CADM2: variants seen among roughly 807,000 people sequenced by gnomAD.
CADM2 encodes the protein immunoglobulin superfamily member 4D.
In CADM2, 12 loss-of-function variants were observed where a neutral mutation model predicts 49.8. The observed-to-expected ratio is 0.24, with a 90% CI of 0.15 to 0.39. The LOEUF (loss-of-function observed/expected upper bound fraction) is 0.39, where lower values mean the gene tolerates loss of function less well. Ranked by LOEUF, CADM2 falls within the 10% of genes least tolerant of loss-of-function variation. The pLI is 1.00. For synonymous variants in CADM2, 214 were observed against 175.4 expected (o/e 1.22, Z -1.74); for missense variants, 378 against 492.3 (o/e 0.77, Z 2.20).
intron 1 of CADM2, among the ~76,000 whole-genome samples, chr3:85,103,899 TGAG>T (rs2107550616): frequency 6.6e-6 from 1 of 152,268 alleles, no homozygotes; most frequent in Non-Finnish European, 1.5e-5. Flanking sequence ...GGATTATTTT[TGAG>T]GAGAAGTAGG....
chr3:85,206,972 C>CA, intron 1 of CADM2, among the ~76,000 whole-genome samples: 1 of 151,894 alleles, frequency 6.6e-6, no homozygotes, highest in East Asian at 1.9e-4. Flanking sequence ...TAACCTCCCC[C>CA]CCTTCAAAAA....
chr3:85,985,036 A>G (rs962588045), intron 8 of CADM2, among the ~76,000 whole-genome samples: 3 of 152,018 alleles, frequency 2.0e-5, no homozygotes, highest in Non-Finnish European at 4.4e-5. Flanking sequence ...CAACATTTTA[A>G]GATGTGTACT....
At position 84,959,418 on chromosome 3, in the gene CADM2, C is replaced by T; in HGVS notation, c.-190C>T. On this transcript the variant is annotated 5_prime_UTR_variant, in exon 1 of 10. Coordinates refer to ENST00000383699, the MANE Select transcript of CADM2 (RefSeq NM_001167675.2). ...AACTATTTCGCGATACCCCATTCTG[C>T]GGGTGCTTTGCCGCTGCCGCTTCTG... 1 of 590,122 alleles carries T rather than the reference C, an allele frequency of 1.7e-6. No individual in the cohort carries two copies. Among genetic ancestry groups the T allele is most frequent in the Non-Finnish European group, 3.0e-6 (1 of 331,392 alleles). The allele number at this position is 590,122 out of a possible 1,614,324, so 36.6% of individuals were successfully genotyped here.
intron 6 of CADM2, among the ~76,000 whole-genome samples, chr3:85,925,241 C>T (rs1449876200): frequency 6.6e-6 from 1 of 152,074 alleles, no homozygotes; most frequent in African/African-American, 2.4e-5. Flanking sequence ...TATAATTTAT[C>T]TAATTTATTA....
intron 1 of CADM2, among the ~76,000 whole-genome samples, chr3:85,498,477 C>T (rs1005723008): frequency 2.0e-5 from 3 of 152,146 alleles, no homozygotes; most frequent in Admixed American, 6.5e-5. Flanking sequence ...GATGAAACTA[C>T]GGTAAAGGTA....
At chr3:85,581,333 C>A (rs762603357) in intron 1 of CADM2, among the ~76,000 whole-genome samples, 2 of 151,316 alleles carry the variant, frequency 1.3e-5, no homozygotes, top group African/African-American at 2.4e-5. Flanking sequence ...GACATTGAGA[C>A]CTACGGGAAT....
chr3:85,528,082 C>G (rs1318047025), intron 1 of CADM2, among the ~76,000 whole-genome samples: 3 of 152,158 alleles, frequency 2.0e-5, no homozygotes, highest in Admixed American at 6.5e-5. Flanking sequence ...CTCGCAAGCA[C>G]AGAAATCACC....
At chr3:84,997,906 A>G (rs992306725) in intron 1 of CADM2, among the ~76,000 whole-genome samples, 1 of 152,136 alleles carries the variant, frequency 6.6e-6, no homozygotes, top group Non-Finnish European at 1.5e-5. Flanking sequence ...TATTCTAAAA[A>G]TCATTTCCTT....
intron 5 of CADM2, among the ~76,000 whole-genome samples, chr3:85,890,344 T>A (rs1714257527): frequency 6.6e-6 from 1 of 152,140 alleles, no homozygotes; most frequent in South Asian, 2.1e-4. Flanking sequence ...ACTCAGTCAA[T>A]CTACATTTTA....
At chr3:86,028,696 G>T (rs1231522765) in intron 8 of CADM2, among the ~76,000 whole-genome samples, 1 of 152,214 alleles carries the variant, frequency 6.6e-6, no homozygotes, top group African/African-American at 2.4e-5. Flanking sequence ...CTGCTTTAAA[G>T]GAAAGGCCAT....
intron 1 of CADM2, among the ~76,000 whole-genome samples, chr3:85,676,643 A>G (rs1279490373): frequency 6.6e-6 from 1 of 152,082 alleles, no homozygotes; most frequent in African/African-American, 2.4e-5. Context: ...CATTAATCTA[A>G]TTGCTTTTTC....
chr3:85,859,213 C>CT (rs1386491585), intron 3 of CADM2, among the ~76,000 whole-genome samples: 11 of 97,984 alleles, frequency 1.1e-4, no homozygotes, highest in African/African-American at 3.6e-4. Context: ...TTGTGCTTTT[C>CT]TTTTTTTTGT....
intron 2 of CADM2, among the ~76,000 whole-genome samples, chr3:85,779,194 A>G (rs1422468261): frequency 1.3e-5 from 2 of 149,046 alleles, no homozygotes; most frequent in African/African-American, 5.2e-5. Context: ...TCCTGAGTTA[A>G]TGATTTTTTT....
chr3:85,990,473 A>G (rs1301739900), intron 8 of CADM2, among the ~76,000 whole-genome samples: 1 of 152,156 alleles, frequency 6.6e-6, no homozygotes, highest in Non-Finnish European at 1.5e-5. Context: ...ATTTAGGCGC[A>G]TCTGTATGTG....
intron 1 of CADM2, among the ~76,000 whole-genome samples, chr3:85,112,265 C>T (rs559075248): frequency 6.6e-6 from 1 of 151,838 alleles, no homozygotes; most frequent in African/African-American, 2.4e-5. Flanking sequence ...ACATGCTGCC[C>T]AGTATGTGTC....
chr3:85,376,741 C>T (rs2033613291), intron 1 of CADM2, among the ~76,000 whole-genome samples: 1 of 151,950 alleles, frequency 6.6e-6, no homozygotes, highest in Non-Finnish European at 1.5e-5. Context: ...AATTACAACT[C>T]ATGCTATTTG....
chr3:85,359,621 T>A (rs1235265304), intron 1 of CADM2, among the ~76,000 whole-genome samples: 2 of 120,966 alleles, frequency 1.7e-5, no homozygotes, highest in Non-Finnish European at 3.4e-5. Context: ...TTATTTTTAT[T>A]CCAGGCCAAT....
chr3:85,100,043 G>C lies in CADM2; in HGVS notation c.61+140375G>C, dbSNP rs145805987. Among the ~76,000 whole-genome samples, 517 of 152,134 alleles carry C rather than the reference G, an allele frequency of 3.4e-3. 2 individuals are homozygous for C. The highest frequency in any genetic ancestry group is 0.011 in the African/African-American group (470 of 41,498). ...AGAGAGCCTGAAGCAATCTGCTCTA[G>C]TCTTGAGGAACTTTGGTGACTATTA... On this transcript the variant is annotated intron_variant, in intron 1 of 9. Transcript: ENST00000383699.
At chr3:85,955,745 T>G (rs1450542470) in intron 7 of CADM2, among the ~76,000 whole-genome samples, 1 of 151,470 alleles carries the variant, frequency 6.6e-6, no homozygotes, top group Non-Finnish European at 1.5e-5. Context: ...AATTTATAAA[T>G]TAGGAATTGT....
Sources: gnomAD v4.1 joint callset for allele counts (sites outside exome capture counted in the v4.1 genomes callset) on GRCh38, gnomAD v4.1.1 for gene constraint, MANE v1.5 for transcripts, NCBI Gene and HGNC (gene_info 2026-07-23, HGNC 2026-07-21) for gene names.